Variants in SPICE1 observed in about 807,000 individuals in gnomAD.
SPICE1 encodes spindle and centriole associated protein 1.
In SPICE1, 75 loss-of-function variants were observed where a neutral mutation model predicts 102.7. The ratio of observed to expected loss-of-function variants is 0.73; its 90% CI spans 0.61 to 0.88. The LOEUF (loss-of-function observed/expected upper bound fraction) is 0.88, where lower values mean the gene tolerates loss of function less well. Ranked by LOEUF, SPICE1 falls within the 40% of genes least tolerant of loss-of-function variation. The pLI is 0.00. For missense variants in SPICE1, 979 were observed against 1,020.1 expected, an observed-to-expected ratio of 0.96 and a Z score of 0.55; for synonymous variants, 308 against 350.3, an observed-to-expected ratio of 0.88 and a Z score of 1.35.
intron 1 of SPICE1, among the ~76,000 whole-genome samples, chr3:113,509,762 A>T (rs1937182475): frequency 6.6e-6 from 1 of 152,128 alleles, no homozygotes; most frequent in Non-Finnish European, 1.5e-5. Context: ...TATAATCCCC[A>T]TGTGTCATGA....
chr3:113,514,835 G>A, intron 1 of SPICE1, 62 bp downstream of exon 1: 1 of 1,246,202 alleles, frequency 8.0e-7, no homozygotes, highest in Non-Finnish European at 1.0e-6. Context: ...GTGCGCACGC[G>A]CATACTCGAG....
intron 6 of SPICE1, among the ~76,000 whole-genome samples, chr3:113,489,352 T>C (rs1207819461): frequency 6.6e-6 from 1 of 152,160 alleles, no homozygotes; most frequent in African/African-American, 2.4e-5. Flanking sequence ...ATATCTTCTT[T>C]CTTCTACCAC....
intron 4 of SPICE1, 147 bp downstream of exon 4, chr3:113,499,292 T>C (rs1026042490): frequency 2.8e-5 from 23 of 817,226 alleles, no homozygotes; most frequent in Non-Finnish European, 4.1e-5. Flanking sequence ...CACCACTCTG[T>C]TGCTTTTTTT....
In SPICE1 at chr3:113,490,648, G is replaced by GA. The variant is rs369496763; in HGVS notation, c.493-1586dup. 1.6e-3 allele frequency among the ~76,000 whole-genome samples: 229 copies of GA among 144,230 alleles called. 2 individuals are homozygous for GA. The highest frequency in any genetic ancestry group is 4.6e-3 in the African/African-American group (182 of 39,582). 94.6% of individuals were successfully genotyped at this position (144,230 alleles called of 152,430 possible). ...CACAGCAAGACCCCATCTCAAAAAAGAAAAAAAAAAATCCCTACTCAATAG... is the reference window on the plus strand; with the variant it reads ...CACAGCAAGACCCCATCTCAAAAAAGAAAAAAAAAAAATCCCTACTCAATAG... On this transcript the variant is annotated intron_variant, in intron 6 of 17. Transcript: ENST00000295872.
chr3:113,479,986 C>T (rs1180226133), intron 7 of SPICE1, among the ~76,000 whole-genome samples: 1 of 151,756 alleles, frequency 6.6e-6, no homozygotes, highest in Non-Finnish European at 1.5e-5. Flanking sequence ...AATAGGCAAA[C>T]CACTAAATAA....
intron 4 of SPICE1, among the ~76,000 whole-genome samples, chr3:113,496,893 TA>T (rs1162722958): frequency 6.6e-6 from 1 of 152,222 alleles, no homozygotes; most frequent in Non-Finnish European, 1.5e-5. Flanking sequence ...CTTACATGTG[TA>T]CCCAAAAACA....
chr3:113,505,050 G>A (rs903754371), intron 2 of SPICE1, among the ~76,000 whole-genome samples: 2 of 152,094 alleles, frequency 1.3e-5, no homozygotes, highest in African/African-American at 4.8e-5. Context: ...ACAGTATCCA[G>A]GACACCCACA....
At chr3:113,503,117 G>T (rs1937040246) in intron 3 of SPICE1, 63 bp downstream of exon 3, 1 of 1,529,480 alleles carries the variant, frequency 6.5e-7, no homozygotes, top group Non-Finnish European at 9.0e-7. Context: ...TATTCTAAAG[G>T]TTACAAGTCA....
chr3:113,456,755 A>AGC, intron 13 of SPICE1, among the ~76,000 whole-genome samples: 1 of 152,232 alleles, frequency 6.6e-6, no homozygotes, highest in East Asian at 1.9e-4. Flanking sequence ...TTAAAGTCAC[A>AGC]GTTTTCACCT....
intron 4 of SPICE1, among the ~76,000 whole-genome samples, chr3:113,496,899 A>G (rs1936902560): frequency 6.6e-6 from 1 of 152,216 alleles, no homozygotes; most frequent in Non-Finnish European, 1.5e-5. Flanking sequence ...TGTGTACCCA[A>G]AAACATTTTC....
intron 7 of SPICE1, among the ~76,000 whole-genome samples, chr3:113,480,932 A>AAAGAAAGAAAGAAAGAAAGAAAGAAAG (rs750705808): frequency 0.13 from 8,336 of 62,510 alleles, 473 homozygotes; most frequent in Middle Eastern, 0.24. Flanking sequence ...AAGAAAGAAA[A>AAAGAAAGAAAGAAAGAAAGAAAGAAAG]AAGACCTCAG....
At chr3:113,479,130 C>T (rs562966466) in intron 7 of SPICE1, among the ~76,000 whole-genome samples, 37 of 120,956 alleles carry the variant, frequency 3.1e-4, no homozygotes, top group African/African-American at 1.1e-3. Flanking sequence ...CCCCCCACCC[C>T]CCACCCCACA....
At chr3:113,493,854 A>C (rs1936816194) in intron 5 of SPICE1, among the ~76,000 whole-genome samples, 195 bp downstream of exon 5, 1 of 152,240 alleles carries the variant, frequency 6.6e-6, no homozygotes, top group African/African-American at 2.4e-5. Flanking sequence ...ATTATTTGTA[A>C]TACAAGTAGT....
At chr3:113,498,845 T>C (rs1163156648) in intron 4 of SPICE1, 2 of 152,240 alleles carry the variant, frequency 1.3e-5, no homozygotes, top group African/African-American at 4.8e-5. Flanking sequence ...ATTTCCCATA[T>C]TGTTTATCCC....
chr3:113,505,295 G>A (rs918620021), intron 2 of SPICE1, among the ~76,000 whole-genome samples: 1 of 150,878 alleles, frequency 6.6e-6, no homozygotes, highest in Admixed American at 6.6e-5. Context: ...ACTCTGAAGG[G>A]GAAAATATGT....
intron 10 of SPICE1, 35 bp downstream of exon 10, chr3:113,468,104 C>T (rs193171746): frequency 3.8e-6 from 6 of 1,565,802 alleles, no homozygotes; most frequent in Middle Eastern, 1.7e-4. Context: ...GCATTTCTGC[C>T]TGAAAAGAAG....
intron 7 of SPICE1, among the ~76,000 whole-genome samples, chr3:113,482,921 G>GT (rs1282769825): frequency 1.3e-5 from 2 of 152,168 alleles, no homozygotes; most frequent in African/African-American, 4.8e-5. Context: ...GTTTAAAGTA[G>GT]TTTTTTCTAA....
At chr3:113,470,772 C>T (rs1936175712) in intron 7 of SPICE1, among the ~76,000 whole-genome samples, 1 of 152,216 alleles carries the variant, frequency 6.6e-6, no homozygotes, top group African/African-American at 2.4e-5. Flanking sequence ...GGTAAAGACT[C>T]AAGTCACAGA....
intron 7 of SPICE1, among the ~76,000 whole-genome samples, 161 bp from the exon 8 acceptor site, chr3:113,469,399 T>A (rs981531208): frequency 2.0e-5 from 3 of 146,706 alleles, no homozygotes; most frequent in African/African-American, 7.4e-5. Context: ...TATATAAATA[T>A]GCATATAAAT....
Sources: gnomAD v4.1 joint callset for allele counts (sites outside exome capture counted in the v4.1 genomes callset) on GRCh38, gnomAD v4.1.1 for gene constraint, MANE v1.5 for transcripts, NCBI Gene and HGNC (gene_info 2026-07-23, HGNC 2026-07-21) for gene names.